Variants in PRKG1 observed in about 807,000 individuals in gnomAD.
The protein encoded by PRKG1 is cGMP-dependent protein kinase 1.
A neutral mutation model predicts 88.1 loss-of-function variants in PRKG1; 35 were observed. The ratio of observed to expected loss-of-function variants is 0.40; its 90% CI spans 0.30 to 0.53. The LOEUF (loss-of-function observed/expected upper bound fraction) is 0.53, where lower values mean the gene tolerates loss of function less well. Ranked by LOEUF, PRKG1 falls within the 20% of genes least tolerant of loss-of-function variation. PRKG1 has a pLI of 0.59. For synonymous variants in PRKG1, 303 were observed against 292.5 expected (o/e 1.04, Z -0.37); for missense variants, 540 against 839.8 (o/e 0.64, Z 4.41).
At chr10:51,284,293 G>A (rs1197720040) in intron 2 of PRKG1, among the ~76,000 whole-genome samples, 1 of 152,154 alleles carries the variant, frequency 6.6e-6, no homozygotes, top group Non-Finnish European at 1.5e-5. Flanking sequence ...CATATCTACA[G>A]GGATGAGTCC....
intron 5 of PRKG1, among the ~76,000 whole-genome samples, chr10:52,038,581 C>A (rs1010037036): frequency 4.6e-5 from 7 of 151,988 alleles, no homozygotes; most frequent in Admixed American, 3.3e-4. Context: ...GGGGTACTTG[C>A]CCCTCCCCCA....
chr10:52,087,161 C>T (rs904086323), intron 7 of PRKG1, among the ~76,000 whole-genome samples: 4 of 152,148 alleles, frequency 2.6e-5, no homozygotes, highest in African/African-American at 9.7e-5. Context: ...TCTCCAGCAA[C>T]GTATGAGGGG....
intron 5 of PRKG1, among the ~76,000 whole-genome samples, chr10:51,979,023 T>C (rs1382981494): frequency 6.6e-6 from 1 of 152,102 alleles, no homozygotes; most frequent in Non-Finnish European, 1.5e-5. Flanking sequence ...AGAGACAGCA[T>C]CTTTGTCTTG....
chr10:52,015,515 T>C (rs930934363), intron 5 of PRKG1, among the ~76,000 whole-genome samples: 2 of 152,196 alleles, frequency 1.3e-5, no homozygotes, highest in Non-Finnish European at 2.9e-5. Flanking sequence ...ATCTCTGACA[T>C]GCCCTGGAGA....
At position 50,991,680 on chromosome 10, in the gene PRKG1, C is replaced by T. The variant is rs1589093398; in HGVS notation, c.266+36C>T. 7.2e-7 allele frequency: 1 copy of T among 1,396,150 alleles called. No individual in the cohort carries two copies. Among genetic ancestry groups the T allele is most frequent in the Non-Finnish European group, 9.4e-7 (1 of 1,068,934 alleles). 86.5% of individuals were successfully genotyped at this position (1,396,150 alleles called of 1,614,324 possible). ...AGGCCGTGGGCCCGGGCGCTCGTCC[C>T]GGCCCGCGGCGCAGAGGCTGGGGGC... On this transcript the variant is annotated intron_variant, in intron 1 of 17. Transcript: ENST00000401604. The surrounding 1 kb of genome is among the most constrained non-coding windows in gnomAD (Gnocchi z 4.5).
At chr10:51,510,318 T>G (rs1286191535) in intron 3 of PRKG1, among the ~76,000 whole-genome samples, 3 of 152,322 alleles carry the variant, frequency 2.0e-5, no homozygotes, top group Non-Finnish European at 4.4e-5. Context: ...ACTTCATATT[T>G]CTACGTTTTC....
chr10:51,734,213 T>C (rs1368423127), intron 3 of PRKG1, among the ~76,000 whole-genome samples: 1 of 152,144 alleles, frequency 6.6e-6, no homozygotes, highest in Non-Finnish European at 1.5e-5. Flanking sequence ...TTATAAATAT[T>C]GGGGATGATC....
chr10:51,891,360 T>C (rs1359777919), intron 4 of PRKG1, among the ~76,000 whole-genome samples: 2 of 152,214 alleles, frequency 1.3e-5, no homozygotes, highest in African/African-American at 4.8e-5. Flanking sequence ...TGAGTTTTTA[T>C]TTATTAAGAG....
At chr10:51,330,046 T>C (rs1337233671) in intron 2 of PRKG1, among the ~76,000 whole-genome samples, 1 of 150,782 alleles carries the variant, frequency 6.6e-6, no homozygotes, top group Admixed American at 6.6e-5. Context: ...AAATAAATGT[T>C]CTAACCCCTT....
At chr10:51,327,416 C>CAA (rs778963198) in intron 2 of PRKG1, among the ~76,000 whole-genome samples, 23 of 80,080 alleles carry the variant, frequency 2.9e-4, no homozygotes, top group African/African-American at 7.7e-4. Context: ...GACTCAATCT[C>CAA]AAAAAAAAAA....
intron 3 of PRKG1, among the ~76,000 whole-genome samples, chr10:51,628,069 C>CTTCT (rs1214294976): frequency 6.5e-4 from 76 of 117,580 alleles, no homozygotes; most frequent in African/African-American, 2.1e-3. Context: ...TCTTTCTTTC[C>CTTCT]TTCTTTCTTT....
chr10:51,203,243 C>G (rs996593271), intron 2 of PRKG1, among the ~76,000 whole-genome samples: 1 of 152,220 alleles, frequency 6.6e-6, no homozygotes, highest in South Asian at 2.1e-4. Context: ...AGTTTTGTCC[C>G]TTTTCAAACA....
chr10:52,000,957 T>A (rs1844578750), intron 5 of PRKG1, among the ~76,000 whole-genome samples: 1 of 152,034 alleles, frequency 6.6e-6, no homozygotes, highest in Non-Finnish European at 1.5e-5. Context: ...ACTTCAATTT[T>A]TTGAGTTGTA....
chr10:51,086,903 C>T (rs993280858), intron 1 of PRKG1, among the ~76,000 whole-genome samples: 1 of 152,164 alleles, frequency 6.6e-6, no homozygotes, highest in African/African-American at 2.4e-5. Flanking sequence ...GGGTTACTGT[C>T]AGGGTGATGG....
chr10:51,523,042 A>G (rs762991362), intron 3 of PRKG1, among the ~76,000 whole-genome samples: 5 of 152,212 alleles, frequency 3.3e-5, no homozygotes, highest in Non-Finnish European at 5.9e-5. Context: ...TTTGTCCGGT[A>G]ACTCTGTCCA....
intron 3 of PRKG1, among the ~76,000 whole-genome samples, chr10:51,505,886 G>A (rs1008695252): frequency 1.1e-4 from 16 of 151,872 alleles, no homozygotes; most frequent in Admixed American, 3.3e-4. Context: ...TCTTGCTAGC[G>A]GTCTATCAAT....
chr10:51,145,295 A>G (rs1222373934), intron 1 of PRKG1, among the ~76,000 whole-genome samples: 1 of 152,212 alleles, frequency 6.6e-6, no homozygotes, highest in Admixed American at 6.5e-5. Context: ...TTGAAAGGTA[A>G]GAAAAAAATA....
chr10:51,412,463 T>C (rs765117254), intron 2 of PRKG1, among the ~76,000 whole-genome samples: 3 of 33,140 alleles, frequency 9.1e-5, no homozygotes, highest in Middle Eastern at 0.017. Flanking sequence ...GCCAACATGG[T>C]GAAAACCCAT....
intron 2 of PRKG1, among the ~76,000 whole-genome samples, chr10:51,404,129 C>T (rs552467804): frequency 3.9e-5 from 6 of 152,268 alleles, no homozygotes; most frequent in African/African-American, 9.6e-5. Flanking sequence ...CCATTAGGAA[C>T]GGCCCTGTAA....
Sources: allele counts gnomAD v4.1 joint callset (sites outside exome capture counted in the v4.1 genomes callset), GRCh38; gene constraint gnomAD v4.1.1; non-coding constraint Gnocchi (gnomAD v3.1); transcripts MANE v1.5; gene names NCBI Gene and HGNC (gene_info 2026-07-23, HGNC 2026-07-21).